CNBD1: variants seen among roughly 807,000 people sequenced by gnomAD.
CNBD1 encodes cyclic nucleotide binding domain containing 1, also known as cyclic nucleotide-binding domain-containing protein 1.
Under a neutral mutation model 54.4 loss-of-function variants are expected in CNBD1, and 71 were observed. The observed-to-expected ratio is 1.30, with a 90% CI of 1.08 to 1.59. The LOEUF is 1.59. Among genes scored for constraint, CNBD1 ranks in the 40% most tolerant of loss-of-function variants. The pLI, the probability that CNBD1 is intolerant of heterozygous loss-of-function variation, is 0.00. For missense variants in CNBD1, 659 were observed against 518.0 expected (o/e 1.27, Z -2.64); for synonymous variants, 182 against 170.7 (o/e 1.07, Z -0.51).
At chr8:87,024,614 T>G (rs2130582190) in intron 4 of CNBD1, among the ~76,000 whole-genome samples, 1 of 152,260 alleles carries the variant, frequency 6.6e-6, no homozygotes, top group South Asian at 2.1e-4. Context: ...ACTGCTGGGA[T>G]TATAGGCATG....
At chr8:87,143,716 C>T (rs532286680) in intron 4 of CNBD1, among the ~76,000 whole-genome samples, 8 of 152,124 alleles carry the variant, frequency 5.3e-5, no homozygotes, top group African/African-American at 1.9e-4. Flanking sequence ...TGTGTTGAAT[C>T]AGGACTGTGA....
At chr8:87,065,976 G>T (rs1425743414) in intron 4 of CNBD1, among the ~76,000 whole-genome samples, 3 of 151,978 alleles carry the variant, frequency 2.0e-5, no homozygotes, top group South Asian at 2.1e-4. Flanking sequence ...AAGTACGGAT[G>T]ATTAGAGACT....
chr8:87,015,977 CAAAAA>C (rs58453987), intron 4 of CNBD1, among the ~76,000 whole-genome samples: 2 of 55,968 alleles, frequency 3.6e-5, no homozygotes, highest in Admixed American at 2.6e-4. Flanking sequence ...GAATCCGTCT[CAAAAA>C]AAAAAAAAAA....
intron 5 of CNBD1, among the ~76,000 whole-genome samples, chr8:87,229,281 T>G (rs1292294195): frequency 6.6e-6 from 1 of 152,124 alleles, no homozygotes; most frequent in Non-Finnish European, 1.5e-5. Flanking sequence ...TCCCCCCGAT[T>G]TTTCTTAAAT....
chr8:87,235,304 G>T (rs1006924788), intron 5 of CNBD1, among the ~76,000 whole-genome samples: 3 of 152,062 alleles, frequency 2.0e-5, no homozygotes, highest in Non-Finnish European at 2.9e-5. Context: ...TTCACAACTT[G>T]GCTTACTATT....
At chr8:86,873,537 T>C (rs1808472013) in intron 1 of CNBD1, among the ~76,000 whole-genome samples, 1 of 152,034 alleles carries the variant, frequency 6.6e-6, no homozygotes, top group African/African-American at 2.4e-5. Flanking sequence ...CTCACACCTG[T>C]AATCCCAGCA....
chr8:87,258,783 G>A (rs915028607), intron 6 of CNBD1, among the ~76,000 whole-genome samples: 1 of 151,984 alleles, frequency 6.6e-6, no homozygotes, highest in Non-Finnish European at 1.5e-5. Context: ...ACAAATTTTT[G>A]TTAAAGAGAA....
intron 10 of CNBD1, among the ~76,000 whole-genome samples, chr8:87,374,252 A>T (rs1300515173): frequency 6.6e-6 from 1 of 151,758 alleles, no homozygotes; most frequent in Non-Finnish European, 1.5e-5. Flanking sequence ...ACTGTGCAAT[A>T]GTGTTTTTCT....
chr8:87,020,812 A>G (rs2453447), intron 4 of CNBD1, among the ~76,000 whole-genome samples: 53,225 of 152,006 alleles, frequency 0.35, 9,638 homozygotes, highest in East Asian at 0.55. Context: ...CAGATCCAGG[A>G]GATAATCAAC....
At chr8:86,871,959 C>G (rs771850538) in intron 1 of CNBD1, among the ~76,000 whole-genome samples, 1 of 152,188 alleles carries the variant, frequency 6.6e-6, no homozygotes, top group Non-Finnish European at 1.5e-5. Context: ...TAAGAAATCT[C>G]TCAATTACTA....
At chr8:87,394,994 C>T (rs754283629) in intron 2 of CNBD1, among the ~76,000 whole-genome samples, 3 of 151,960 alleles carry the variant, frequency 2.0e-5, no homozygotes, top group Non-Finnish European at 1.5e-5. Context: ...AGTGTTTTAA[C>T]GTTGTATCCC....
chr8:87,353,690 G>C lies in CNBD1; in HGVS notation c.1207G>C (p.Gly403Arg), dbSNP rs748680401. ...GAAACTTAAGGAGAAGGAGTCCTTT[G>C]GTGAGATTAGCGTCCTTCTTCAAGT... ...MGKLKEKESF[G>R]EISVLLQVPF... is the part of the protein sequence containing the mutation. The change falls in exon 10 of 11, where the codon GGT (glycine) becomes CGT (arginine). Residue 403 changes from glycine to arginine, a missense_variant. Coordinates refer to ENST00000518476, the MANE Select transcript of CNBD1 (RefSeq NM_173538.3). The C allele has an allele frequency of 4.4e-6, 7 of 1,607,894 alleles. No homozygotes were observed. The Admixed American group carries it at 1.0e-4, about 23-fold the overall frequency.
At chr8:87,349,665 G>C (rs1049623727) in intron 8 of CNBD1, among the ~76,000 whole-genome samples, 2 of 152,178 alleles carry the variant, frequency 1.3e-5, no homozygotes, top group Non-Finnish European at 2.9e-5. Context: ...GTGAGCCACC[G>C]CGCCTGACCA....
At chr8:87,131,679 C>G (rs1472365724) in intron 4 of CNBD1, among the ~76,000 whole-genome samples, 1 of 151,742 alleles carries the variant, frequency 6.6e-6, no homozygotes, top group African/African-American at 2.4e-5. Context: ...TCTTTTTGAT[C>G]CATAGATTTT....
chr8:87,090,961 G>A (rs898431944), intron 4 of CNBD1, among the ~76,000 whole-genome samples: 5 of 152,024 alleles, frequency 3.3e-5, no homozygotes, highest in African/African-American at 1.2e-4. Flanking sequence ...GCCAACATGT[G>A]AAACCCTGTC....
intron 5 of CNBD1, among the ~76,000 whole-genome samples, chr8:87,213,838 G>A (rs542495822): frequency 3.3e-5 from 5 of 152,002 alleles, no homozygotes; most frequent in South Asian, 2.1e-4. Flanking sequence ...GGCAAGTCCC[G>A]TCCACCTGTG....
At chr8:87,047,807 C>T (rs1367998198) in intron 4 of CNBD1, among the ~76,000 whole-genome samples, 1 of 152,064 alleles carries the variant, frequency 6.6e-6, no homozygotes, top group African/African-American at 2.4e-5. Flanking sequence ...CAAAGTCCCC[C>T]TATAAATTTG....
intron 8 of CNBD1, among the ~76,000 whole-genome samples, chr8:87,300,205 A>C (rs1019552165): frequency 6.6e-6 from 1 of 152,172 alleles, no homozygotes; most frequent in African/African-American, 2.4e-5. Flanking sequence ...AAATATTTTC[A>C]AATTGATTTT....
chr8:87,169,737 T>TG (rs748630437), intron 4 of CNBD1, among the ~76,000 whole-genome samples: 34 of 152,168 alleles, frequency 2.2e-4, no homozygotes, highest in Non-Finnish European at 4.1e-4. Context: ...GATTTCTTTT[T>TG]GGGTTCTCTA....
Sources: allele counts gnomAD v4.1 joint callset (sites outside exome capture counted in the v4.1 genomes callset), GRCh38; gene constraint gnomAD v4.1.1; transcripts MANE v1.5; gene names NCBI Gene and HGNC (gene_info 2026-07-23, HGNC 2026-07-21).